Variants in LOC728743 observed in about 807,000 individuals in gnomAD.
At chr7:150,410,130 T>C in the LOC728743 span, 1 of 398,730 alleles carries the variant, frequency 2.5e-6, no homozygotes, top group East Asian at 3.6e-5. Context: ...GCTCCACACC[T>C]GATCCTGATC....
the LOC728743 span, chr7:150,408,439 T>G: frequency 2.9e-6 from 1 of 344,586 alleles, no homozygotes; most frequent in Non-Finnish European, 5.2e-6. Flanking sequence ...CACAGCTGCT[T>G]CCGGCTCCTG....
the LOC728743 span, chr7:150,410,147 T>G: frequency 7.5e-6 from 3 of 398,624 alleles, no homozygotes; most frequent in Non-Finnish European, 1.3e-5. Context: ...GATCTCTTTG[T>G]TTCTGTCGAC....
the LOC728743 span, chr7:150,411,685 C>G: frequency 6.6e-6 from 1 of 152,298 alleles, no homozygotes; most frequent in South Asian, 2.1e-4. Context: ...TAGCAGAATG[C>G]TCAGGGGGAG....
At chr7:150,412,194 G>A in the LOC728743 span, 3 of 152,528 alleles carry the variant, frequency 2.0e-5, no homozygotes, top group East Asian at 5.8e-4. Flanking sequence ...GCTGGAGCTT[G>A]TCGGTGGCCG....
the LOC728743 span, chr7:150,405,394 G>A: frequency 1.6e-4 from 24 of 152,332 alleles, no homozygotes; most frequent in East Asian, 3.9e-4. Flanking sequence ...GGACCCTCGG[G>A]GGCGGGTCAC....
chr7:150,407,447 A>G, the LOC728743 span: 2 of 397,330 alleles, frequency 5.0e-6, no homozygotes, highest in African/African-American at 2.1e-5. Flanking sequence ...GGGGAACTTG[A>G]GCTTGAACAA....
the LOC728743 span, chr7:150,405,162 CGGCCCGGGCGGGCGCAGCGCT>C: frequency 6.6e-6 from 1 of 152,378 alleles, no homozygotes; most frequent in Non-Finnish European, 1.5e-5. Context: ...GTCGCCGCTC[CGGCCCGGGCGGGCGCAGCGCT>C]GGCAGCCCCG....
the LOC728743 span, among the ~76,000 whole-genome samples, chr7:150,403,187 G>C: frequency 6.6e-6 from 1 of 152,116 alleles, no homozygotes; most frequent in Non-Finnish European, 1.5e-5. The surrounding 1 kb of genome is among the most constrained non-coding windows in gnomAD (Gnocchi z 5.1). Flanking sequence ...GGAACCTTGG[G>C]GGAGACAGGG....
At chr7:150,410,940 A>T in the LOC728743 span, 1 of 152,334 alleles carries the variant, frequency 6.6e-6, no homozygotes, top group Non-Finnish European at 1.5e-5. Flanking sequence ...CTTGTTCAGG[A>T]ATAAAGAATT....
the LOC728743 span, chr7:150,408,187 C>T: frequency 5.1e-6 from 2 of 392,462 alleles, no homozygotes; most frequent in Non-Finnish European, 9.0e-6. Context: ...GCCACGGGCC[C>T]GAGGGCCAGG....
chr7:150,408,435 T>A, the LOC728743 span: 1 of 348,006 alleles, frequency 2.9e-6, no homozygotes, highest in Non-Finnish European at 5.2e-6. Context: ...TGCGCACAGC[T>A]GCTTCCGGCT....
chr7:150,404,885 C>A, the LOC728743 span: 1 of 152,434 alleles, frequency 6.6e-6, no homozygotes, highest in Non-Finnish European at 1.5e-5. Flanking sequence ...TCCTGAAACC[C>A]TCGCCCAGGG....
At chr7:150,406,953 G>GT in the LOC728743 span, among the ~76,000 whole-genome samples, 24 of 152,004 alleles carry the variant, frequency 1.6e-4, no homozygotes, top group Admixed American at 1.4e-3. Context: ...ACAGGGTTGT[G>GT]TTTTTTTTCC....
chr7:150,407,801 C>G, the LOC728743 span: 1 of 404,804 alleles, frequency 2.5e-6, no homozygotes, highest in Non-Finnish European at 4.4e-6. Context: ...CGGAGCGGGC[C>G]GCGCGGCTGC....
chr7:150,407,488 TGA>T, the LOC728743 span: 1 of 397,342 alleles, frequency 2.5e-6, no homozygotes. Flanking sequence ...TTGTGGGAGG[TGA>T]GTGTCCCTGC....
chr7:150,409,183 C>A, the LOC728743 span, among the ~76,000 whole-genome samples: 1 of 149,102 alleles, frequency 6.7e-6, no homozygotes, highest in Non-Finnish European at 1.5e-5. Context: ...CTCCAGGTGT[C>A]CCAAGGGGAG....
At chr7:150,412,001 C>T in the LOC728743 span, 1 of 152,542 alleles carries the variant, frequency 6.6e-6, no homozygotes, top group South Asian at 2.1e-4. Flanking sequence ...GCCCCTGCCC[C>T]CGAACTGCGT....
chr7:150,407,451 T>G, the LOC728743 span: 1 of 397,304 alleles, frequency 2.5e-6, no homozygotes, highest in Non-Finnish European at 4.4e-6. Flanking sequence ...AACTTGAGCT[T>G]GAACAAAACG....
At chr7:150,401,117 G>A in the LOC728743 span, 1 of 152,288 alleles carries the variant, frequency 6.6e-6, no homozygotes, top group Non-Finnish European at 1.5e-5. Flanking sequence ...GCTGGCATGG[G>A]GAGCCAGGTG....
Sources: allele counts gnomAD v4.1 joint callset (sites outside exome capture counted in the v4.1 genomes callset), GRCh38; gene constraint gnomAD v4.1.1; non-coding constraint Gnocchi (gnomAD v3.1); transcripts MANE v1.5.